Variants in PTPN13 observed in about 807,000 individuals in gnomAD.
PTPN13 encodes tyrosine-protein phosphatase non-receptor type 13.
Under a neutral mutation model 284.0 loss-of-function variants are expected in PTPN13, and 191 were observed. That is an observed-to-expected ratio of 0.67 (90% CI 0.60 to 0.76). The LOEUF (loss-of-function observed/expected upper bound fraction) is 0.76. PTPN13 is among the 30% of genes least tolerant of loss of function. PTPN13 has a pLI of 0.00. For synonymous variants in PTPN13, 986 were observed against 1,022.3 expected (o/e 0.96, Z 0.68); for missense variants, 2,797 against 2,939.9 (o/e 0.95, Z 1.12).
intron 9 of PTPN13, 24 bp downstream of exon 9, chr4:86,717,141 G>T (rs370569551): frequency 1.6e-4 from 240 of 1,488,084 alleles, no homozygotes; most frequent in Non-Finnish European, 7.5e-5. Flanking sequence ...AAGTAGTGAT[G>T]ATACATTTCC....
intron 7 of PTPN13, among the ~76,000 whole-genome samples, chr4:86,715,919 C>G (rs1204468095): frequency 6.6e-6 from 1 of 152,200 alleles, no homozygotes; most frequent in South Asian, 2.1e-4. Context: ...ACACTTGCCC[C>G]TGGGCTCGGC....
intron 41 of PTPN13, among the ~76,000 whole-genome samples, chr4:86,798,423 A>G (rs898677026): frequency 6.6e-6 from 1 of 152,216 alleles, no homozygotes; most frequent in Non-Finnish European, 1.5e-5. Context: ...GTGTATACTA[A>G]TGTCATCAGA....
intron 3 of PTPN13, among the ~76,000 whole-genome samples, chr4:86,677,083 C>G (rs575248012): frequency 1.3e-5 from 2 of 151,926 alleles, no homozygotes; most frequent in South Asian, 2.1e-4. Context: ...CTGGCTAACA[C>G]GGTAAAACCC....
At chr4:86,729,322 G>A (rs931025831) in intron 10 of PTPN13, among the ~76,000 whole-genome samples, 12 of 149,012 alleles carry the variant, frequency 8.1e-5, no homozygotes, top group African/African-American at 2.9e-4. Flanking sequence ...TGTGTCTTGG[G>A]ATTGTTCTTC....
At chr4:86,599,971 C>T (rs75834954) in intron 1 of PTPN13, among the ~76,000 whole-genome samples, 4,032 of 152,224 alleles carry the variant, frequency 0.026, 76 homozygotes, top group Non-Finnish European at 0.039. Flanking sequence ...ATCATTTCAA[C>T]ACAAATGTTA....
At chr4:86,758,895 T>C (rs774418620) in intron 22 of PTPN13, 47 bp from the exon 23 acceptor site, 2 of 1,594,520 alleles carry the variant, frequency 1.3e-6, no homozygotes, top group South Asian at 2.3e-5. Context: ...AGATTCAGAA[T>C]AAATGTATCT....
At chr4:86,658,770 A>G (rs1317684801) in intron 2 of PTPN13, among the ~76,000 whole-genome samples, 2 of 152,188 alleles carry the variant, frequency 1.3e-5, no homozygotes, top group Admixed American at 6.5e-5. Flanking sequence ...GATAAAATAT[A>G]TAGATCTTCA....
chr4:86,611,212 T>C (rs1168710546), intron 1 of PTPN13, among the ~76,000 whole-genome samples: 1 of 152,256 alleles, frequency 6.6e-6, no homozygotes, highest in Non-Finnish European at 1.5e-5. Flanking sequence ...AATCACTTTG[T>C]GATTTATTTA....
intron 8 of PTPN13, 59 bp downstream of exon 8, chr4:86,716,684 C>G (rs949455012): frequency 1.8e-6 from 2 of 1,141,314 alleles, no homozygotes; most frequent in African/African-American, 3.2e-5. Context: ...TTATTATTTT[C>G]AATAGTGTTC....
At chr4:86,605,426 G>A (rs1437549484) in intron 1 of PTPN13, among the ~76,000 whole-genome samples, 2 of 151,934 alleles carry the variant, frequency 1.3e-5, no homozygotes, top group Non-Finnish European at 2.9e-5. Flanking sequence ...GGTGGTGAAA[G>A]AACAGATTGA....
rs185604319 is a variant in PTPN13 at position 86,792,967 on chromosome 4, C to T, written c.6346-3907C>T. 3.0e-4 allele frequency among the ~76,000 whole-genome samples: 45 copies of T among 152,250 alleles called. No individual in the cohort carries two copies. In the East Asian group the frequency reaches 6.4e-3, roughly 22 times the overall value. On this transcript the variant is annotated intron_variant, in intron 40 of 47. Coordinates refer to ENST00000411767, the MANE Select transcript of PTPN13 (RefSeq NM_080683.3). ...CTGCATCAATTAACAGGCAAAATAACGAGCTAACATCATAATGACAAGATC... is the reference window on the plus strand; with the variant it reads ...CTGCATCAATTAACAGGCAAAATAATGAGCTAACATCATAATGACAAGATC...
intron 40 of PTPN13, among the ~76,000 whole-genome samples, chr4:86,792,495 G>C (rs10016082): frequency 6.6e-6 from 1 of 152,058 alleles, no homozygotes; most frequent in Non-Finnish European, 1.5e-5. Flanking sequence ...TCAAATTCAG[G>C]AAATACAGAG....
At chr4:86,738,867 G>C (rs868438401) in intron 15 of PTPN13, among the ~76,000 whole-genome samples, 1 of 152,082 alleles carries the variant, frequency 6.6e-6, no homozygotes, top group East Asian at 1.9e-4. Context: ...TTTTCATAGG[G>C]ACAGGATTTT....
In PTPN13 at chr4:86,694,743, A is replaced by G. The variant is rs192128329; in HGVS notation, c.634+1069A>G. Reference sequence around the variant, plus strand: ...TGATTATCTTTGTTCTCTTCTTATCAAGCAGTTTTGAGAATCATGATAATC... The same window carrying G: ...TGATTATCTTTGTTCTCTTCTTATCGAGCAGTTTTGAGAATCATGATAATC... On this transcript the variant is annotated intron_variant, in intron 6 of 47. Transcript: ENST00000411767. Among the ~76,000 whole-genome samples, 94 of 152,184 alleles carry G rather than the reference A, an allele frequency of 6.2e-4. 1 individual carries two copies. The highest frequency in any genetic ancestry group is 2.1e-3 in the African/African-American group (88 of 41,536).
intron 15 of PTPN13, among the ~76,000 whole-genome samples, chr4:86,737,000 G>A (rs1039780130): frequency 2.6e-5 from 4 of 151,940 alleles, no homozygotes; most frequent in Non-Finnish European, 4.4e-5. Context: ...AATATCTTTC[G>A]TAAATCTGCT....
At chr4:86,702,672 G>A (rs1325360971) in intron 7 of PTPN13, among the ~76,000 whole-genome samples, 1 of 152,058 alleles carries the variant, frequency 6.6e-6, no homozygotes, top group Non-Finnish European at 1.5e-5. Flanking sequence ...ATGGATAGAG[G>A]CTATTTTCAG....
intron 36 of PTPN13, among the ~76,000 whole-genome samples, chr4:86,781,066 A>G (rs929376807): frequency 1.3e-5 from 2 of 152,006 alleles, no homozygotes; most frequent in African/African-American, 4.8e-5. Flanking sequence ...ATACTTTTTT[A>G]TTTTTCTTAG....
At chr4:86,622,085 G>A (rs1280481341) in intron 1 of PTPN13, among the ~76,000 whole-genome samples, 1 of 152,148 alleles carries the variant, frequency 6.6e-6, no homozygotes, top group East Asian at 1.9e-4. Context: ...AAGGTCATTT[G>A]AGTTATCATT....
intron 43 of PTPN13, 149 bp from the exon 44 acceptor site, chr4:86,805,130 A>G (rs1744513200): frequency 1.3e-5 from 6 of 472,432 alleles, no homozygotes; most frequent in Middle Eastern, 1.1e-3. Flanking sequence ...ACAAATCACT[A>G]CTGACTTTAG....
Sources: allele counts gnomAD v4.1 joint callset (sites outside exome capture counted in the v4.1 genomes callset), GRCh38; gene constraint gnomAD v4.1.1; transcripts MANE v1.5; gene names NCBI Gene and HGNC (gene_info 2026-07-23, HGNC 2026-07-21).